The following CAMK4 variants were observed in gnomAD, a reference collection of about 807,000 sequenced individuals.
CAMK4 encodes the protein calcium/calmodulin-dependent protein kinase type IV.
In CAMK4, 22 loss-of-function variants were observed where a neutral mutation model predicts 44.9. That is an observed-to-expected ratio of 0.49 (90% CI 0.35 to 0.70). CAMK4 has a LOEUF of 0.70. CAMK4 is among the 30% of genes least tolerant of loss of function. The pLI is 0.01. For missense variants in CAMK4, 498 were observed against 586.8 expected (o/e 0.85, Z 1.56); for synonymous variants, 218 against 215.4 (o/e 1.01, Z -0.11).
intron 2 of CAMK4, among the ~76,000 whole-genome samples, chr5:111,363,486 A>G (rs558204999): frequency 6.6e-6 from 1 of 152,242 alleles, no homozygotes; most frequent in Admixed American, 6.6e-5. Context: ...TTTCTGTCAT[A>G]GAACTCATGC....
intron 5 of CAMK4, among the ~76,000 whole-genome samples, chr5:111,428,859 A>G (rs1206472663): frequency 6.6e-6 from 1 of 152,240 alleles, no homozygotes; most frequent in Non-Finnish European, 1.5e-5. Context: ...AGGTTATAGA[A>G]TACCAAGAAG....
intron 1 of CAMK4, among the ~76,000 whole-genome samples, chr5:111,311,591 GGCCT>G (rs1748206067): frequency 6.6e-6 from 1 of 152,112 alleles, no homozygotes; most frequent in South Asian, 2.1e-4. Flanking sequence ...GTCCAGAGCT[GGCCT>G]CACACCCTCT....
At chr5:111,401,957 C>G (rs1439977429) in intron 5 of CAMK4, among the ~76,000 whole-genome samples, 1 of 152,204 alleles carries the variant, frequency 6.6e-6, no homozygotes, top group Non-Finnish European at 1.5e-5. Flanking sequence ...CTCCAGCCAG[C>G]CAGTGCTGGT....
At chr5:111,480,289 C>CACACACA (rs70973611) in intron 9 of CAMK4, among the ~76,000 whole-genome samples, 39 of 148,108 alleles carry the variant, frequency 2.6e-4, no homozygotes, top group South Asian at 8.6e-4. Context: ...CACACACACA[C>CACACACA]CCCTGGGTAA....
At chr5:111,434,029 G>A (rs571873823) in intron 5 of CAMK4, among the ~76,000 whole-genome samples, 2 of 152,274 alleles carry the variant, frequency 1.3e-5, no homozygotes, top group East Asian at 3.9e-4. Flanking sequence ...TTGCGCGGTG[G>A]CTCATGCCTG....
chr5:111,471,857 TC>T (rs914248184), intron 7 of CAMK4, among the ~76,000 whole-genome samples: 2 of 152,094 alleles, frequency 1.3e-5, no homozygotes, highest in African/African-American at 4.8e-5. Context: ...AAATCCACAG[TC>T]CCATGAGGAT....
In CAMK4 at chr5:111,326,408, A is replaced by G. The variant is rs1000864599; in HGVS notation, c.162-17616A>G. Among the ~76,000 whole-genome samples, 9 of 152,090 alleles carry G rather than the reference A, an allele frequency of 5.9e-5. 1 individual carries two copies. Among genetic ancestry groups the G allele is most frequent in the African/African-American group, 2.2e-4 (9 of 41,536 alleles). On this transcript the variant is annotated intron_variant, in intron 1 of 10. Transcript: ENST00000282356. ...TCCAAAAGTGACATAAGAAATAAAA[A>G]TAGAAATAACCTTATATCTGTTAAG... is the stretch of plus-strand genomic sequence containing the variant.
intron 5 of CAMK4, 29 bp downstream of exon 5, chr5:111,394,811 A>T (rs1751935824): frequency 1.5e-6 from 2 of 1,362,948 alleles, no homozygotes; most frequent in African/African-American, 1.4e-5. Flanking sequence ...CAATGGTGTA[A>T]CTCTTAGTCA....
At chr5:111,430,773 C>A (rs1277832052) in intron 5 of CAMK4, among the ~76,000 whole-genome samples, 1 of 151,984 alleles carries the variant, frequency 6.6e-6, no homozygotes, top group East Asian at 1.9e-4. Context: ...ATAATTACAA[C>A]CATAAAATAC....
intron 8 of CAMK4, 31 bp downstream of exon 8, chr5:111,473,417 C>T (rs762031529): frequency 1.5e-5 from 20 of 1,336,890 alleles, no homozygotes; most frequent in African/African-American, 4.3e-5. Flanking sequence ...TTTATGTAAA[C>T]TATTTACCTT....
intron 1 of CAMK4, among the ~76,000 whole-genome samples, chr5:111,248,121 G>A (rs1468834762): frequency 2.0e-5 from 3 of 152,114 alleles, no homozygotes; most frequent in Admixed American, 6.6e-5. Flanking sequence ...GTATGTTTCT[G>A]TTGTTTGTGT....
chr5:111,453,441 T>TAGAA (rs1196834970), intron 7 of CAMK4, among the ~76,000 whole-genome samples: 2 of 152,206 alleles, frequency 1.3e-5, no homozygotes, highest in African/African-American at 2.4e-5. Context: ...TCACCACAGA[T>TAGAA]AGATACTCTC....
intron 5 of CAMK4, among the ~76,000 whole-genome samples, chr5:111,396,733 C>T (rs1330388827): frequency 7.0e-6 from 1 of 143,714 alleles, no homozygotes; most frequent in East Asian, 2.1e-4. Flanking sequence ...CTCTGCCTCC[C>T]AGGTTGAAGT....
intron 2 of CAMK4, among the ~76,000 whole-genome samples, chr5:111,352,739 G>A: frequency 6.6e-6 from 1 of 151,522 alleles, no homozygotes; most frequent in Non-Finnish European, 1.5e-5. Context: ...CTTTTATAAG[G>A]GAACTACTCT....
Position 111,485,618 on chromosome 5 carries a change from G to A in CAMK4, c.*1152G>A, listed in dbSNP as rs1226818012. 3 of 151,970 alleles carry A rather than the reference G, an allele frequency of 2.0e-5. No individual in the cohort carries two copies. Among genetic ancestry groups the A allele is most frequent in the African/African-American group, 7.2e-5 (3 of 41,386 alleles). 9.4% of individuals were successfully genotyped at this position (151,970 alleles called of 1,614,324 possible). A position where few individuals can be genotyped will look rare whatever the true frequency, so the allele number is the denominator to read the frequency against. On this transcript the variant is annotated 3_prime_UTR_variant, in exon 11 of 11. Transcript: ENST00000282356. The stretch of plus-strand genomic sequence containing the variant: ...CTAGTATGTCTTTTTCTCGTATTTG[G>A]AATGAAAGTACCCACATTTTACAAT...
At chr5:111,394,679 C>T in intron 4 of CAMK4, 31 bp from the exon 5 acceptor site, 2 of 1,483,052 alleles carry the variant, frequency 1.3e-6, no homozygotes, top group Non-Finnish European at 1.9e-6. Flanking sequence ...ATGAATGTGC[C>T]TGAGAAGCAT....
intron 5 of CAMK4, among the ~76,000 whole-genome samples, chr5:111,443,389 G>A (rs1043233677): frequency 1.5e-4 from 20 of 137,778 alleles, no homozygotes; most frequent in African/African-American, 5.1e-4. Flanking sequence ...CATGACTTTT[G>A]ATAATCTTTC....
intron 5 of CAMK4, among the ~76,000 whole-genome samples, chr5:111,424,290 A>G (rs1753135473): frequency 6.6e-6 from 1 of 152,218 alleles, no homozygotes; most frequent in African/African-American, 2.4e-5. Flanking sequence ...GCCTGTTTAC[A>G]ATTTCCTCCA....
intron 8 of CAMK4, among the ~76,000 whole-genome samples, chr5:111,476,163 G>C (rs1307979366): frequency 3.3e-5 from 5 of 151,732 alleles, no homozygotes. Context: ...CTTCCTATCA[G>C]TGTAAAGAAT....
Sources: gnomAD v4.1 joint callset for allele counts (sites outside exome capture counted in the v4.1 genomes callset) on GRCh38, gnomAD v4.1.1 for gene constraint, MANE v1.5 for transcripts, NCBI Gene and HGNC (gene_info 2026-07-23, HGNC 2026-07-21) for gene names.